SAMD3: variants seen among roughly 807,000 people sequenced by gnomAD.
SAMD3 encodes sterile alpha motif domain-containing protein 3.
A neutral mutation model predicts 58.5 loss-of-function variants in SAMD3; 63 were observed. The observed-to-expected ratio is 1.08, with a 90% CI of 0.88 to 1.33. SAMD3 has a LOEUF of 1.33. SAMD3 is among the 40% of genes most tolerant of loss of function. The pLI is 0.00. For missense variants in SAMD3, 604 were observed against 608.4 expected (o/e 0.99, Z 0.08); for synonymous variants, 220 against 210.3 (o/e 1.05, Z -0.40).
chr6:130,282,557 A>C (rs1008576603), intron 2 of SAMD3, among the ~76,000 whole-genome samples: 2 of 152,136 alleles, frequency 1.3e-5, no homozygotes, highest in Non-Finnish European at 2.9e-5. Flanking sequence ...TATTCAAAAC[A>C]AGAGGGGGAT....
intron 2 of SAMD3, among the ~76,000 whole-genome samples, chr6:130,296,465 G>A (rs922680871): frequency 2.3e-4 from 35 of 152,162 alleles, no homozygotes; most frequent in African/African-American, 8.2e-4. Flanking sequence ...ACTGAAGTGG[G>A]CGGCACTGGC....
At chr6:130,177,277 G>A (rs1791817038) in intron 7 of SAMD3, among the ~76,000 whole-genome samples, 1 of 152,176 alleles carries the variant, frequency 6.6e-6, no homozygotes, top group Admixed American at 6.5e-5. Flanking sequence ...AACCTCTACA[G>A]AGAATTCGTC....
intron 2 of SAMD3, among the ~76,000 whole-genome samples, chr6:130,263,855 C>T (rs1055118705): frequency 6.6e-6 from 1 of 152,064 alleles, no homozygotes; most frequent in Non-Finnish European, 1.5e-5. Flanking sequence ...AGGAGTCTTG[C>T]CCCCCGATGT....
chr6:130,309,275 C>T, intron 2 of SAMD3, among the ~76,000 whole-genome samples: 1 of 152,150 alleles, frequency 6.6e-6, no homozygotes, highest in Admixed American at 6.5e-5. Context: ...ATGTTAGATT[C>T]CAAATTCTGT....
chr6:130,302,968 C>T (rs1775803446), intron 2 of SAMD3, among the ~76,000 whole-genome samples: 2 of 152,114 alleles, frequency 1.3e-5, no homozygotes, highest in Non-Finnish European at 1.5e-5. Context: ...GTACTATGTT[C>T]GCTGTTTGGG....
intron 2 of SAMD3, among the ~76,000 whole-genome samples, chr6:130,309,856 G>T (rs937996869): frequency 6.6e-6 from 1 of 152,026 alleles, no homozygotes; most frequent in African/African-American, 2.4e-5. Context: ...CTTTTTAATT[G>T]TATATTTCAG....
intron 2 of SAMD3, among the ~76,000 whole-genome samples, chr6:130,304,954 A>T (rs6924057): frequency 0.025 from 1,199 of 48,080 alleles, 18 homozygotes; most frequent in African/African-American, 0.074. Flanking sequence ...TTTTTTTTTG[A>T]GACAGAGTCT....
At chr6:130,331,272 A>T (rs1408560583) in intron 1 of SAMD3, among the ~76,000 whole-genome samples, 1 of 152,240 alleles carries the variant, frequency 6.6e-6, no homozygotes, top group Non-Finnish European at 1.5e-5. Context: ...CCAATAATAC[A>T]AGGCAAATAA....
intron 7 of SAMD3, 139 bp downstream of exon 7, chr6:130,183,964 C>A: frequency 1.5e-6 from 1 of 688,528 alleles, no homozygotes; most frequent in Non-Finnish European, 2.6e-6. Flanking sequence ...AACAGATAGA[C>A]CTAGATACAT....
At chr6:130,300,712 T>C (rs4621648) in intron 2 of SAMD3, among the ~76,000 whole-genome samples, 25,670 of 152,174 alleles carry the variant, frequency 0.17, 2,430 homozygotes, top group East Asian at 0.36. Flanking sequence ...ATGACATGAT[T>C]CTATACCTAG....
intron 2 of SAMD3, among the ~76,000 whole-genome samples, chr6:130,298,928 T>A (rs1255008972): frequency 6.6e-6 from 1 of 152,054 alleles, no homozygotes; most frequent in Admixed American, 6.6e-5. Flanking sequence ...ACACTGCGTA[T>A]GCACTGAACA....
chr6:130,334,346 A>C (rs1777037576), intron 1 of SAMD3, among the ~76,000 whole-genome samples: 1 of 152,174 alleles, frequency 6.6e-6, no homozygotes, highest in Non-Finnish European at 1.5e-5. Flanking sequence ...TTTAAGGAAA[A>C]AAACAAACAA....
chr6:130,188,984 T>C (rs912027728), intron 5 of SAMD3, among the ~76,000 whole-genome samples: 1 of 152,034 alleles, frequency 6.6e-6, no homozygotes, highest in African/African-American at 2.4e-5. Context: ...GTTGATGGAT[T>C]GTAAATCTAT....
At chr6:130,169,811 G>A (rs573172409) in intron 8 of SAMD3, among the ~76,000 whole-genome samples, 2 of 152,302 alleles carry the variant, frequency 1.3e-5, no homozygotes, top group South Asian at 4.1e-4. Flanking sequence ...CCAGGGGTGT[G>A]ACCTCTTATC....
chr6:130,242,338 G>A (rs1773387697), intron 2 of SAMD3, among the ~76,000 whole-genome samples: 1 of 152,220 alleles, frequency 6.6e-6, no homozygotes, highest in South Asian at 2.1e-4. Context: ...GAGTGTGGAT[G>A]TGTTTGAATA....
intron 1 of SAMD3, among the ~76,000 whole-genome samples, chr6:130,344,653 T>A (rs531057785): frequency 6.6e-6 from 1 of 151,956 alleles, no homozygotes; most frequent in South Asian, 2.1e-4. Flanking sequence ...AAGTGCTGAG[T>A]GCTGAGATTA....
chr6:130,293,938 A>G (rs946810688), intron 2 of SAMD3, among the ~76,000 whole-genome samples: 2 of 152,136 alleles, frequency 1.3e-5, no homozygotes, highest in African/African-American at 4.8e-5. Context: ...TGCACACAGC[A>G]TCTTAGCAGT....
intron 1 of SAMD3, among the ~76,000 whole-genome samples, chr6:130,347,774 G>C (rs1777501952): frequency 6.6e-6 from 1 of 152,102 alleles, no homozygotes; most frequent in Non-Finnish European, 1.5e-5. Context: ...ACACATAATT[G>C]TCAGATTCAC....
At chr6:130,197,033 A>G (rs1794191933) in intron 5 of SAMD3, among the ~76,000 whole-genome samples, 1 of 152,250 alleles carries the variant, frequency 6.6e-6, no homozygotes, top group East Asian at 1.9e-4. Context: ...CAGGAAAAGT[A>G]GAACGGAGTA....
Sources: gnomAD v4.1 joint callset for allele counts (sites outside exome capture counted in the v4.1 genomes callset) on GRCh38, gnomAD v4.1.1 for gene constraint, MANE v1.5 for transcripts, NCBI Gene and HGNC (gene_info 2026-07-23, HGNC 2026-07-21) for gene names.